Variants in MYO18B observed in about 807,000 individuals in gnomAD.
The protein encoded by MYO18B is unconventional myosin-XVIIIb.
In MYO18B, 204 loss-of-function variants were observed where a neutral mutation model predicts 273.0. The ratio of observed to expected loss-of-function variants is 0.75; its 90% CI spans 0.67 to 0.84. The LOEUF is 0.84. Ranked by LOEUF, MYO18B falls within the 40% of genes least tolerant of loss-of-function variation. The pLI, the probability that MYO18B is intolerant of heterozygous loss-of-function variation, is 0.00. For missense variants in MYO18B, 3,212 were observed against 3,287.6 expected, an observed-to-expected ratio of 0.98 and a Z score of 0.56; for synonymous variants, 1,330 against 1,305.7, an observed-to-expected ratio of 1.02 and a Z score of -0.40.
intron 34 of MYO18B, among the ~76,000 whole-genome samples, chr22:25,931,821 G>A (rs1395610655): frequency 6.7e-6 from 1 of 148,356 alleles, no homozygotes; most frequent in African/African-American, 2.5e-5. Context: ...TAGCTGGCAT[G>A]TGCCACCATG....
chr22:26,038,961 G>A, the MYO18B span, among the ~76,000 whole-genome samples: 2 of 152,208 alleles, frequency 1.3e-5, no homozygotes, highest in Non-Finnish European at 1.5e-5. Context: ...ATTGGTCCTA[G>A]CACTTTGTAA....
chr22:25,801,880 T>G (rs189922503), intron 12 of MYO18B, among the ~76,000 whole-genome samples: 42 of 152,306 alleles, frequency 2.8e-4, no homozygotes, highest in Non-Finnish European at 5.0e-4. Flanking sequence ...GAGATGGGAT[T>G]TGGACTTAGG....
chr22:25,831,136 T>G (rs1468462864), intron 15 of MYO18B, among the ~76,000 whole-genome samples: 1 of 152,212 alleles, frequency 6.6e-6, no homozygotes, highest in Admixed American at 6.5e-5. Context: ...CTTTATTATG[T>G]TGTCCGTGGA....
At chr22:25,953,162 G>A (rs2092811880) in intron 38 of MYO18B, among the ~76,000 whole-genome samples, 1 of 152,164 alleles carries the variant, frequency 6.6e-6, no homozygotes, top group South Asian at 2.1e-4. Context: ...GAACACAGGT[G>A]TTCACTTCTT....
intron 11 of MYO18B, among the ~76,000 whole-genome samples, chr22:25,788,675 ACAACCCAACTT>A (rs1160518672): frequency 2.1e-4 from 32 of 152,232 alleles, no homozygotes; most frequent in African/African-American, 7.5e-4. Flanking sequence ...TGGCAACTCT[ACAACCCAACTT>A]CAACCCAACT....
intron 21 of MYO18B, 79 bp from the exon 22 acceptor site, chr22:25,868,241 C>T: frequency 8.1e-7 from 1 of 1,228,360 alleles, no homozygotes; most frequent in Non-Finnish European, 1.2e-6. Flanking sequence ...GCGCATCAGC[C>T]ATCGAGCCAG....
rs1191610314 is a variant in MYO18B at position 25,898,431 on chromosome 22, GA to G, written c.4796del (p.Asn1599ThrfsTer19). 2 of 1,613,646 alleles carry G rather than the reference GA, an allele frequency of 1.2e-6. No homozygotes were observed. The highest frequency in any genetic ancestry group is 1.7e-6 in the Non-Finnish European group (2 of 1,179,808). ...GTCCTGCTAGAGAACCAACAAAGTC[GA>G]AACCATGAGCTGGAGAAGAAGCAGA... ...TCVLLENQQS[R>X]NHELEKKQKK... On this transcript the variant is annotated frameshift_variant, in exon 29 of 44. Coordinates refer to ENST00000335473, the MANE Select transcript of MYO18B (RefSeq NM_032608.7). LOFTEE classifies it high-confidence loss of function.
intron 39 of MYO18B, among the ~76,000 whole-genome samples, chr22:25,989,737 G>T (rs2093243036): frequency 7.1e-6 from 1 of 139,936 alleles, no homozygotes; most frequent in African/African-American, 2.7e-5. Context: ...GGCGGAGCTT[G>T]CAGTAAGCCG....
At chr22:25,967,685 G>A (rs184029602) in intron 39 of MYO18B, among the ~76,000 whole-genome samples, 57 of 152,228 alleles carry the variant, frequency 3.7e-4, no homozygotes, top group Middle Eastern at 6.8e-3. Context: ...TGCAAGTGAC[G>A]GAAACAAAAT....
chr22:25,772,996 T>G (rs983130717), intron 7 of MYO18B, among the ~76,000 whole-genome samples: 1 of 152,182 alleles, frequency 6.6e-6, no homozygotes, highest in Non-Finnish European at 1.5e-5. Flanking sequence ...TGCTGAACTC[T>G]CAGGAGTCCT....
At chr22:25,874,498 G>C (rs982295132) in intron 23 of MYO18B, 84 bp downstream of exon 23, 1 of 1,501,284 alleles carries the variant, frequency 6.7e-7, no homozygotes, top group African/African-American at 1.4e-5. Context: ...GGATGATACC[G>C]GTGCACCGGG....
At chr22:25,796,073 C>T (rs528190725) in intron 11 of MYO18B, among the ~76,000 whole-genome samples, 8 of 152,172 alleles carry the variant, frequency 5.3e-5, no homozygotes, top group African/African-American at 1.2e-4. Flanking sequence ...TTCTCATTAT[C>T]GGCTGGTGGA....
At chr22:25,818,378 T>C (rs557472110) in intron 12 of MYO18B, among the ~76,000 whole-genome samples, 1 of 152,356 alleles carries the variant, frequency 6.6e-6, no homozygotes, top group East Asian at 1.9e-4. Flanking sequence ...TCCTTGAGCA[T>C]GGAGCCTGAG....
intron 7 of MYO18B, among the ~76,000 whole-genome samples, chr22:25,773,768 G>C (rs111356193): frequency 6.6e-6 from 1 of 152,128 alleles, no homozygotes; most frequent in African/African-American, 2.4e-5. Flanking sequence ...TGGCCGATTT[G>C]TATCTATTTT....
chr22:25,934,211 A>C (rs949915713), intron 34 of MYO18B, among the ~76,000 whole-genome samples: 1 of 151,856 alleles, frequency 6.6e-6, no homozygotes. Context: ...GCTCTTTGCT[A>C]CATATGTCTA....
intron 12 of MYO18B, among the ~76,000 whole-genome samples, chr22:25,808,142 A>G (rs1335845793): frequency 6.6e-6 from 1 of 152,102 alleles, no homozygotes; most frequent in Non-Finnish European, 1.5e-5. Context: ...CCTACAGAAG[A>G]GTAAATCAAG....
chr22:25,771,844 G>C (rs2086731050), intron 6 of MYO18B, among the ~76,000 whole-genome samples: 1 of 152,204 alleles, frequency 6.6e-6, no homozygotes, highest in African/African-American at 2.4e-5. Context: ...GGTTTGGGTG[G>C]TTTCCTAGGA....
At chr22:25,798,695 G>T (rs1266516454) in intron 12 of MYO18B, among the ~76,000 whole-genome samples, 1 of 152,106 alleles carries the variant, frequency 6.6e-6, no homozygotes, top group Non-Finnish European at 1.5e-5. Flanking sequence ...GAGTAGCTGG[G>T]ACTACAGCTG....
At chr22:26,051,993 T>A in the MYO18B span, among the ~76,000 whole-genome samples, 2 of 152,230 alleles carry the variant, frequency 1.3e-5, no homozygotes, top group Non-Finnish European at 2.9e-5. Context: ...ACTTGGATTG[T>A]TTTTAGCCTT....
Sources: gnomAD v4.1 joint callset for allele counts (sites outside exome capture counted in the v4.1 genomes callset) on GRCh38, gnomAD v4.1.1 for gene constraint, MANE v1.5 for transcripts, NCBI Gene and HGNC (gene_info 2026-07-23, HGNC 2026-07-21) for gene names.